CEMIP: variants seen among roughly 807,000 people sequenced by gnomAD.
The protein encoded by CEMIP is cell migration inducing hyaluronidase 1.
In CEMIP, 105 loss-of-function variants were observed where a neutral mutation model predicts 156.9. That is an observed-to-expected ratio of 0.67 (90% CI 0.57 to 0.79). The LOEUF is 0.79. Among genes scored for constraint, CEMIP ranks in the 30% least tolerant of loss-of-function variants. The pLI, the probability that CEMIP is intolerant of heterozygous loss-of-function variation, is 0.00. For synonymous variants in CEMIP, 676 were observed against 668.4 expected (o/e 1.01, Z -0.17); for missense variants, 1,457 against 1,769.4 (o/e 0.82, Z 3.17).
chr15:80,873,826 C>T, intron 2 of CEMIP, 38 bp from the exon 3 acceptor site: 9 of 1,466,576 alleles, frequency 6.1e-6, no homozygotes, highest in Middle Eastern at 1.7e-4. Context: ...TCCAGCCTGC[C>T]AAGGCTGCAT....
At chr15:80,789,623 A>G (rs1200905913) in intron 1 of CEMIP, among the ~76,000 whole-genome samples, 1 of 152,054 alleles carries the variant, frequency 6.6e-6, no homozygotes, top group African/African-American at 2.4e-5. Context: ...TTTAGTTGGT[A>G]GCTTTGAAGA....
chr15:80,853,887 C>A (rs929996713), intron 1 of CEMIP, among the ~76,000 whole-genome samples: 1 of 152,248 alleles, frequency 6.6e-6, no homozygotes, highest in Non-Finnish European at 1.5e-5. Context: ...TGAATTGAGA[C>A]CTTGCTTTGA....
At position 80,950,603 on chromosome 15, in the gene CEMIP, G is replaced by A. The variant is rs1166196967; in HGVS notation, c.*1679G>A. Reference sequence around the variant, plus strand: ...CTCCTGTCTCTGCAGCTCTACAGGTGAGGCCCAGCAGAGGGAGTAGGGCTC... The same window carrying A: ...CTCCTGTCTCTGCAGCTCTACAGGTAAGGCCCAGCAGAGGGAGTAGGGCTC... On this transcript the variant is annotated 3_prime_UTR_variant, in exon 30 of 30. Coordinates refer to ENST00000394685, the MANE Select transcript of CEMIP (RefSeq NM_001293298.2). 4 of 152,300 alleles carry A rather than the reference G, an allele frequency of 2.6e-5. No individual in the cohort carries two copies. Among genetic ancestry groups the A allele is most frequent in the Admixed American group, 1.3e-4 (2 of 15,286 alleles). 9.4% of individuals were successfully genotyped at this position (152,300 alleles called of 1,614,324 possible).
At chr15:80,911,301 T>C (rs1900042069) in intron 14 of CEMIP, among the ~76,000 whole-genome samples, 1 of 152,156 alleles carries the variant, frequency 6.6e-6, no homozygotes, top group African/African-American at 2.4e-5. Flanking sequence ...GGATACATGG[T>C]GAAGAGAACA....
At chr15:80,839,030 G>A (rs1367291826) in intron 1 of CEMIP, among the ~76,000 whole-genome samples, 1 of 152,192 alleles carries the variant, frequency 6.6e-6, no homozygotes, top group South Asian at 2.1e-4. Context: ...CAGGCGTCTT[G>A]GTTGGCAGCT....
chr15:80,886,224 CA>C (rs144179305), intron 7 of CEMIP, among the ~76,000 whole-genome samples: 2,038 of 151,862 alleles, frequency 0.013, 40 homozygotes, highest in African/African-American at 0.048. Context: ...TTCGGAGGCC[CA>C]GGGGCAAAAG....
chr15:80,895,301 T>G (rs1440646631), intron 11 of CEMIP, among the ~76,000 whole-genome samples, 179 bp downstream of exon 11: 1 of 152,164 alleles, frequency 6.6e-6, no homozygotes, highest in Non-Finnish European at 1.5e-5. Flanking sequence ...AACCCCACCC[T>G]GCCCATAAGC....
rs148470329 is a variant in CEMIP at position 80,852,099 on chromosome 15, T to G, written c.-175-21439T>G. 1.3e-4 allele frequency among the ~76,000 whole-genome samples: 20 copies of G among 151,696 alleles called. No individual in the cohort carries two copies. In the East Asian group the frequency reaches 3.7e-3, roughly 28 times the overall value. On this transcript the variant is annotated intron_variant, in intron 1 of 29. Transcript: ENST00000394685. ...GCAAACTTTGCAGGGCAGGAAGGAGTGCTTGATTGAGAGTTCACTGCTGTC... is the reference window on the plus strand; with the variant it reads ...GCAAACTTTGCAGGGCAGGAAGGAGGGCTTGATTGAGAGTTCACTGCTGTC...
chr15:80,835,104 A>AG (rs1897242779), intron 1 of CEMIP, among the ~76,000 whole-genome samples: 1 of 151,700 alleles, frequency 6.6e-6, no homozygotes, highest in African/African-American at 2.4e-5. Flanking sequence ...AGAGAGAGAG[A>AG]AAGAGACAGA....
At chr15:80,803,679 T>C (rs1240070930) in intron 1 of CEMIP, among the ~76,000 whole-genome samples, 2 of 152,162 alleles carry the variant, frequency 1.3e-5, no homozygotes, top group Non-Finnish European at 2.9e-5. Context: ...AAAAAGGGTC[T>C]GAGAGAGGTT....
At position 80,951,147 on chromosome 15, in the gene CEMIP, T is replaced by C. The variant is rs968003441; in HGVS notation, c.*2223T>C. On this transcript the variant is annotated 3_prime_UTR_variant, in exon 30 of 30. Transcript: ENST00000394685. Reference sequence around the variant, plus strand: ...CATGTCCTTCTTGTCCACGGTTTTGTTGAGTTTTCACTCTTCTAATGCAAG... The same window carrying C: ...CATGTCCTTCTTGTCCACGGTTTTGCTGAGTTTTCACTCTTCTAATGCAAG... 1 of 152,710 alleles carries C rather than the reference T, an allele frequency of 6.5e-6. No individual in the cohort carries two copies. Among genetic ancestry groups the C allele is most frequent in the Non-Finnish European group, 1.5e-5 (1 of 68,056 alleles). 9.5% of individuals were successfully genotyped at this position (152,710 alleles called of 1,614,324 possible).
At chr15:80,809,480 T>C (rs1485399335) in intron 1 of CEMIP, among the ~76,000 whole-genome samples, 4 of 152,250 alleles carry the variant, frequency 2.6e-5, no homozygotes, top group South Asian at 4.1e-4. Context: ...TGAATTTCCT[T>C]TTATGGAATT....
At chr15:80,948,705 G>C in intron 29 of CEMIP, 92 bp from the exon 30 acceptor site, 3 of 1,559,040 alleles carry the variant, frequency 1.9e-6, no homozygotes, top group South Asian at 2.2e-5. Flanking sequence ...CCTGGTGGGC[G>C]TGGGGGGCTG....
chr15:80,882,453 C>A (rs1006594113), intron 6 of CEMIP, among the ~76,000 whole-genome samples: 4 of 152,182 alleles, frequency 2.6e-5, no homozygotes, highest in Non-Finnish European at 5.9e-5. Flanking sequence ...ACGGCTGACA[C>A]CTTGATTGAC....
chr15:80,803,197 C>G (rs1388658395), intron 1 of CEMIP, among the ~76,000 whole-genome samples: 1 of 152,120 alleles, frequency 6.6e-6, no homozygotes, highest in African/African-American at 2.4e-5. Context: ...GTGACCACTC[C>G]CGCAGAGTTG....
intron 6 of CEMIP, among the ~76,000 whole-genome samples, chr15:80,883,690 A>C (rs952959181): frequency 6.6e-6 from 1 of 152,180 alleles, no homozygotes; most frequent in Non-Finnish European, 1.5e-5. Context: ...GGGTGGGAGA[A>C]GGGATTTGGG....
chr15:80,802,525 G>A (rs917297462), intron 1 of CEMIP, among the ~76,000 whole-genome samples: 4 of 152,204 alleles, frequency 2.6e-5, no homozygotes, highest in South Asian at 2.1e-4. Flanking sequence ...TGACTCCAGC[G>A]CCAGCTCTAA....
At chr15:80,826,064 C>G (rs571745910) in intron 1 of CEMIP, among the ~76,000 whole-genome samples, 78 of 152,324 alleles carry the variant, frequency 5.1e-4, no homozygotes, top group African/African-American at 1.8e-3. Flanking sequence ...TGTGCAACTC[C>G]ATCCAATCAT....
chr15:80,839,099 T>G (rs1007855162), intron 1 of CEMIP, among the ~76,000 whole-genome samples: 3 of 151,992 alleles, frequency 2.0e-5, no homozygotes, highest in Non-Finnish European at 4.4e-5. Context: ...GTTGAGGTGT[T>G]CGGGGTAGCA....
Sources: gnomAD v4.1 joint callset for allele counts (sites outside exome capture counted in the v4.1 genomes callset) on GRCh38, gnomAD v4.1.1 for gene constraint, MANE v1.5 for transcripts, NCBI Gene and HGNC (gene_info 2026-07-23, HGNC 2026-07-21) for gene names.